The following KDM2B variants were observed in gnomAD, a reference collection of about 807,000 sequenced individuals.
KDM2B encodes the protein lysine-specific demethylase 2B.
A neutral mutation model predicts 150.0 loss-of-function variants in KDM2B; 26 were observed. The observed-to-expected ratio is 0.17, with a 90% confidence interval of 0.13 to 0.24. The LOEUF (loss-of-function observed/expected upper bound fraction) is 0.24, where lower values mean the gene tolerates loss of function less well. KDM2B is among the 10% of genes least tolerant of loss of function. The pLI is 1.00. For missense variants in KDM2B, 1,265 were observed against 1,816.9 expected, an observed-to-expected ratio of 0.70 and a Z score of 5.52; for synonymous variants, 734 against 729.5, an observed-to-expected ratio of 1.01 and a Z score of -0.10.
intron 14 of KDM2B, 138 bp from the exon 15 acceptor site, chr12:121,444,674 G>C (rs1875838858): frequency 2.8e-6 from 2 of 716,354 alleles, no homozygotes; most frequent in South Asian, 3.2e-5. Context: ...CCAGGCAAAA[G>C]AAAACACAGC....
intron 6 of KDM2B, 92 bp downstream of exon 6, chr12:121,548,785 A>G: frequency 5.4e-6 from 5 of 923,864 alleles, no homozygotes; most frequent in South Asian, 2.8e-5. Flanking sequence ...TCAAGCCTTC[A>G]CTGATGGCCA....
At chr12:121,577,833 G>C (rs1891610043) in intron 2 of KDM2B, among the ~76,000 whole-genome samples, 1 of 152,158 alleles carries the variant, frequency 6.6e-6, no homozygotes, top group South Asian at 2.1e-4. Flanking sequence ...CCTCAACCAG[G>C]AGCCACACTG....
Position 121,549,732 on chromosome 12 carries a change from C to T in KDM2B, c.398-94G>A, listed in dbSNP as rs540655449. ...TCACTAAACAAAAGCTGCTCCTCCACGTTTCCCCACAGTCCTCACCCCTCT... is the reference window on the plus strand; with the variant it reads ...TCACTAAACAAAAGCTGCTCCTCCATGTTTCCCCACAGTCCTCACCCCTCT... On this transcript the variant is annotated intron_variant, in intron 4 of 22. Coordinates refer to ENST00000377071, the MANE Select transcript of KDM2B (RefSeq NM_032590.5). The surrounding 1 kb of genome is among the most constrained non-coding windows in gnomAD (Gnocchi z 4.4). 2.3e-5 allele frequency: 27 copies of T among 1,161,492 alleles called. No homozygotes were observed. The highest frequency in any genetic ancestry group is 7.5e-5 in the East Asian group (3 of 40,098). 71.9% of individuals were successfully genotyped at this position (1,161,492 alleles called of 1,614,324 possible). A position where few individuals can be genotyped will look rare whatever the true frequency, so the allele number is the denominator to read the frequency against.
chr12:121,579,992 A>G (rs1555317654), intron 1 of KDM2B: 6 of 1,196,856 alleles, frequency 5.0e-6, no homozygotes, highest in Middle Eastern at 4.9e-4. Flanking sequence ...AGATTTGGAA[A>G]AAAAAAAAAA....
intron 12 of KDM2B, among the ~76,000 whole-genome samples, chr12:121,463,016 CAAA>C (rs376231867): frequency 2.8e-4 from 33 of 119,494 alleles, no homozygotes; most frequent in East Asian, 2.3e-4. Context: ...CCTGCCTCAG[CAAA>C]AAAAAAAAAA....
chr12:121,575,635 G>T lies in KDM2B; in HGVS notation c.350+146C>A. On this transcript the variant is annotated intron_variant, in intron 3 of 22. Transcript: ENST00000377071. This position sits in a 1 kb window ranked among gnomAD's most constrained non-coding sequence, Gnocchi z 4.4. ...GAGTGTTTCCCCTTTGTCAGGCCTT[G>T]AACAAGGAGATGCTGTTCCCAGATC... 1 of 675,470 alleles carries T rather than the reference G, an allele frequency of 1.5e-6. No individual in the cohort carries two copies. Among genetic ancestry groups the T allele is most frequent in the Non-Finnish European group, 2.7e-6 (1 of 375,906 alleles). The allele number at this position is 675,470 out of a possible 1,614,324, so 41.8% of individuals were successfully genotyped here.
intron 22 of KDM2B, among the ~76,000 whole-genome samples, chr12:121,431,834 T>G (rs1350325161): frequency 6.6e-6 from 1 of 152,006 alleles, no homozygotes; most frequent in Non-Finnish European, 1.5e-5. Context: ...AAACGAGAGA[T>G]GCTTCAACAG....
At chr12:121,497,974 T>C (rs543844013) in intron 11 of KDM2B, among the ~76,000 whole-genome samples, 12 of 152,116 alleles carry the variant, frequency 7.9e-5, no homozygotes, top group Middle Eastern at 3.4e-3. Context: ...TGTGTGCCTG[T>C]GGTCCCAGCG....
At chr12:121,473,733 AAG>A (rs1555296270) in intron 12 of KDM2B, among the ~76,000 whole-genome samples, 4 of 149,932 alleles carry the variant, frequency 2.7e-5, no homozygotes, top group East Asian at 4.0e-4. Context: ...AAAAAAAAAA[AAG>A]AGAGAGAGAG....
At chr12:121,479,478 A>AG (rs1881832732) in intron 12 of KDM2B, among the ~76,000 whole-genome samples, 1 of 150,830 alleles carries the variant, frequency 6.6e-6, no homozygotes, top group African/African-American at 2.4e-5. Context: ...AAAAAAAAAA[A>AG]ACAGATGGGG....
At chr12:121,466,982 G>GCGGGCCTT (rs1880083117) in intron 12 of KDM2B, among the ~76,000 whole-genome samples, 1 of 148,390 alleles carries the variant, frequency 6.7e-6, no homozygotes, top group Non-Finnish European at 1.5e-5. Flanking sequence ...CTGCGGGCCT[G>GCGGGCCTT]CCGCGCTCCT....
At chr12:121,576,865 C>G (rs113467236) in intron 2 of KDM2B, among the ~76,000 whole-genome samples, 5,356 of 152,294 alleles carry the variant, frequency 0.035, 155 homozygotes, top group Non-Finnish European at 0.055. Context: ...CCCAGGGAAA[C>G]AGTTCACAGG....
intron 12 of KDM2B, among the ~76,000 whole-genome samples, chr12:121,488,508 G>A (rs1555299369): frequency 6.6e-6 from 1 of 152,204 alleles, no homozygotes; most frequent in Non-Finnish European, 1.5e-5. Flanking sequence ...AGACAACACA[G>A]CTAGTCAGTG....
rs947731992 is a variant in KDM2B at position 121,450,247 on chromosome 12, G to C, written c.1959+2873C>G. 2.6e-5 allele frequency among the ~76,000 whole-genome samples: 4 copies of C among 151,554 alleles called. No individual in the cohort carries two copies. In the East Asian group the frequency reaches 7.7e-4, roughly 29 times the overall value. On this transcript the variant is annotated intron_variant, in intron 13 of 22. Coordinates refer to ENST00000377071, the MANE Select transcript of KDM2B (RefSeq NM_032590.5). The stretch of plus-strand genomic sequence containing the variant: ...GATAATTTCTTGAACCCAGGAGGCA[G>C]AAGTTGCAGTGAGCCGAGACTGCGC...
intron 22 of KDM2B, among the ~76,000 whole-genome samples, chr12:121,436,838 G>C (rs1216997961): frequency 6.6e-6 from 1 of 152,182 alleles, no homozygotes; most frequent in Non-Finnish European, 1.5e-5. Context: ...TTCACTGACA[G>C]ATGAAGAATC....
the KDM2B span, among the ~76,000 whole-genome samples, chr12:121,415,548 G>A: frequency 6.6e-6 from 1 of 152,098 alleles, no homozygotes; most frequent in Non-Finnish European, 1.5e-5. Flanking sequence ...CCCAGGAGGT[G>A]GAGGTTGCAG....
At position 121,467,416 on chromosome 12, in the gene KDM2B, GC is replaced by G. The variant is rs1880197700; in HGVS notation, c.1735-14073del. On this transcript the variant is annotated intron_variant, in intron 12 of 22. Coordinates refer to ENST00000377071, the MANE Select transcript of KDM2B (RefSeq NM_032590.5). This position sits in a 1 kb window ranked among gnomAD's most constrained non-coding sequence, Gnocchi z 5.1. ...GAGGGGCCGGCGGGGGAGGGCCGGG[GC>G]GCCATGCATATGCATGAGGCGAGCC... The G allele has an allele frequency of 1.1e-6, 1 of 909,032 alleles. No homozygotes were observed. Among genetic ancestry groups the G allele is most frequent in the Non-Finnish European group, 1.3e-6 (1 of 763,090 alleles). 56.3% of individuals were successfully genotyped at this position (909,032 alleles called of 1,614,324 possible). A position where few individuals can be genotyped will look rare whatever the true frequency, so the allele number is the denominator to read the frequency against.
At chr12:121,523,435 G>C (rs529402898) in intron 8 of KDM2B, among the ~76,000 whole-genome samples, 106 of 152,340 alleles carry the variant, frequency 7.0e-4, no homozygotes, top group African/African-American at 2.4e-3. Context: ...CCTGGAGGCC[G>C]CTGTCCCCTC....
At chr12:121,567,711 T>C (rs2136379004) in intron 4 of KDM2B, among the ~76,000 whole-genome samples, 1 of 146,324 alleles carries the variant, frequency 6.8e-6, no homozygotes, top group African/African-American at 2.5e-5. Flanking sequence ...CATTTCTTTT[T>C]TTTTTTTTTT....
Sources: allele counts gnomAD v4.1 joint callset (sites outside exome capture counted in the v4.1 genomes callset), GRCh38; gene constraint gnomAD v4.1.1; non-coding constraint Gnocchi (gnomAD v3.1); transcripts MANE v1.5; gene names NCBI Gene and HGNC (gene_info 2026-07-23, HGNC 2026-07-21).